SLC26A11: variants seen among roughly 807,000 people sequenced by gnomAD.
SLC26A11 encodes sodium-independent sulfate anion transporter.
SLC26A11 carries 58 observed loss-of-function variants against 62.2 expected under a neutral mutation model. That is an observed-to-expected ratio of 0.93 (90% CI 0.76 to 1.16). The LOEUF is 1.16. SLC26A11 is among the 50% of genes most tolerant of loss of function. The pLI, the probability that SLC26A11 is intolerant of heterozygous loss-of-function variation, is 0.00. For synonymous variants in SLC26A11, 411 were observed against 368.9 expected (o/e 1.11, Z -1.31); for missense variants, 790 against 794.3 (o/e 0.99, Z 0.06).
At chr17:80,243,230 T>G (rs1159734158) in intron 10 of SLC26A11, among the ~76,000 whole-genome samples, 1 of 152,178 alleles carries the variant, frequency 6.6e-6, no homozygotes, top group Non-Finnish European at 1.5e-5. Flanking sequence ...CCCGGGCTTC[T>G]CTCTGAGCCA....
At chr17:80,250,933 G>A (rs1395329954) in intron 16 of SLC26A11, among the ~76,000 whole-genome samples, 2 of 152,032 alleles carry the variant, frequency 1.3e-5, no homozygotes, top group East Asian at 1.9e-4. Flanking sequence ...TTGAGGCCAG[G>A]AGTTTGAGAC....
rs376958154 is a variant in SLC26A11, at chr17:80,232,890, G to A, written c.737-4038G>A. On this transcript the variant is annotated intron_variant, in intron 7 of 17. Transcript: ENST00000361193. ...TTTGTTTCTAAGTGACTGCTTTAAG[G>A]TTTGTGGTAAACATCTTTATCTTGC... is the stretch of plus-strand genomic sequence containing the variant. Among the ~76,000 whole-genome samples, 16 of 152,150 alleles carry A rather than the reference G, an allele frequency of 1.1e-4. No individual in the cohort carries two copies. In the East Asian group the frequency reaches 1.7e-3, roughly 17 times the overall value.
rs897407526 is a variant in SLC26A11 at position 80,222,979 on chromosome 17, G to A, written c.427+132G>A. The A allele has an allele frequency of 6.5e-6, 6 of 922,438 alleles. No homozygotes were observed. In the East Asian group the frequency reaches 7.9e-5, roughly 12 times the overall value. The allele number at this position is 922,438 out of a possible 1,614,324, so 57.1% of individuals were successfully genotyped here. On this transcript the variant is annotated intron_variant, in intron 4 of 17. Coordinates refer to ENST00000361193, the MANE Select transcript of SLC26A11 (RefSeq NM_001166347.2). This position sits in a 1 kb window ranked among gnomAD's most constrained non-coding sequence, Gnocchi z 4.7. ...TATGTATGTGTGTGTGTGTAGGTGG[G>A]TGGGTGGTGGAGGGGGTGGGGCACT... is the stretch of plus-strand genomic sequence containing the variant.
rs894937653 is a variant in SLC26A11 at position 80,251,338 on chromosome 17, C to T, written c.1666C>T (p.Leu556Phe). 3 of 1,614,086 alleles carry T rather than the reference C, an allele frequency of 1.9e-6. No individual in the cohort carries two copies. Among genetic ancestry groups the T allele is most frequent in the South Asian group, 1.1e-5 (1 of 91,076 alleles). ...LAFVGLQVPV[L>F]RVLLSADLKG... ...TCTGTCTGTCTCTCAGGTCCCCGTT[C>T]TCCGTGTCCTGCTGTCCGCTGACCT... The change falls in exon 17 of 18, where the codon CTC (leucine) becomes TTC (phenylalanine). Residue 556 changes from leucine (L) to phenylalanine (F), a missense_variant. Coordinates refer to ENST00000361193, the MANE Select transcript of SLC26A11 (RefSeq NM_001166347.2).
intron 7 of SLC26A11, among the ~76,000 whole-genome samples, chr17:80,234,391 A>G (rs1244603651): frequency 6.6e-6 from 1 of 151,888 alleles, no homozygotes; most frequent in Non-Finnish European, 1.5e-5. Context: ...TCTGTATGTA[A>G]CCTTTTTATC....
At chr17:80,224,448 T>TGA (rs1312548045) in intron 5 of SLC26A11, among the ~76,000 whole-genome samples, 2 of 142,808 alleles carry the variant, frequency 1.4e-5, no homozygotes, top group Non-Finnish European at 3.1e-5. Flanking sequence ...TGTGAGAGTG[T>TGA]GAGTGTGAGA....
At position 80,234,297 on chromosome 17, in the gene SLC26A11, G is replaced by A. The variant is rs186356291; in HGVS notation, c.737-2631G>A. Among the ~76,000 whole-genome samples the A allele has an allele frequency of 1.5e-3, 232 of 152,346 alleles. 2 individuals are homozygous for A. Among genetic ancestry groups the A allele is most frequent in the Admixed American group, 5.0e-3 (76 of 15,302 alleles). On this transcript the variant is annotated intron_variant, in intron 7 of 17. Coordinates refer to ENST00000361193, the MANE Select transcript of SLC26A11 (RefSeq NM_001166347.2). ...TAGGATTACAGGCGTGAGCCACTTT[G>A]CCTGGCCTCAGGACTTTAAAGATGC...
intron 5 of SLC26A11, among the ~76,000 whole-genome samples, chr17:80,225,215 A>G (rs1370093288): frequency 6.6e-6 from 1 of 152,022 alleles, no homozygotes; most frequent in African/African-American, 2.4e-5. Flanking sequence ...AAACTAAACT[A>G]AAACACAGGA....
intron 6 of SLC26A11, 88 bp downstream of exon 6, chr17:80,226,004 T>C (rs1279655268): frequency 2.5e-6 from 3 of 1,223,996 alleles, no homozygotes; most frequent in Non-Finnish European, 2.4e-6. Context: ...TCCCCACCCC[T>C]GGTGACTGCT....
chr17:80,228,048 A>C lies in SLC26A11; in HGVS notation c.736+88A>C. 7.4e-5 allele frequency: 92 copies of C among 1,240,260 alleles called. No individual in the cohort carries two copies. Among genetic ancestry groups the C allele is most frequent in the Non-Finnish European group, 1.0e-4 (89 of 887,374 alleles). The allele number at this position is 1,240,260 out of a possible 1,614,324, so 76.8% of individuals were successfully genotyped here. ...TCCTAGTCCCACCCTAGGGATTCTCACGTCATTGGTCTGGGTGTCACTTGA... is the reference window on the plus strand; with the variant it reads ...TCCTAGTCCCACCCTAGGGATTCTCCCGTCATTGGTCTGGGTGTCACTTGA... On this transcript the variant is annotated intron_variant, in intron 7 of 17. Coordinates refer to ENST00000361193, the MANE Select transcript of SLC26A11 (RefSeq NM_001166347.2). The surrounding 1 kb of genome is among the most constrained non-coding windows in gnomAD (Gnocchi z 4.1).
In SLC26A11 at chr17:80,228,559, C is replaced by T. The variant is rs12601526; in HGVS notation, c.736+599C>T. ...GAAGCAGTTTTGCCCCCTGGTGACA[C>T]GTGGCAATGTTGGGAAACATTTTTG... On this transcript the variant is annotated intron_variant, in intron 7 of 17. Transcript: ENST00000361193. This position sits in a 1 kb window ranked among gnomAD's most constrained non-coding sequence, Gnocchi z 4.1. 0.5 allele frequency among the ~76,000 whole-genome samples: 76,547 copies of T among 152,126 alleles called. 20,246 individuals are homozygous for T. Among genetic ancestry groups the T allele is most frequent in the East Asian group, 0.97 (5,029 of 5,180 alleles).
chr17:80,248,100 G>C, intron 13 of SLC26A11, 30 bp from the exon 14 acceptor site: 3 of 1,580,272 alleles, frequency 1.9e-6, no homozygotes, highest in Non-Finnish European at 2.6e-6. Context: ...GGCAGCTGCC[G>C]GGCATTCCTC....
Position 80,246,330 on chromosome 17 carries a change from TG to T in SLC26A11, c.1153+127del. 2 of 1,432,842 alleles carry T rather than the reference TG, an allele frequency of 1.4e-6. No homozygotes were observed. 88.8% of individuals were successfully genotyped at this position (1,432,842 alleles called of 1,614,324 possible). The stretch of plus-strand genomic sequence containing the variant: ...TGCGCCCCGGGACTGCACAGGGACT[TG>T]GGGGGCCACACAGGAGTAGGGGGAC... On this transcript the variant is annotated intron_variant, in intron 12 of 17. Transcript: ENST00000361193. This position sits in a 1 kb window ranked among gnomAD's most constrained non-coding sequence, Gnocchi z 4.4.
rs1040340305 is a variant in SLC26A11, at chr17:80,252,147, C to G, written c.1730-478C>G. On this transcript the variant is annotated intron_variant, in intron 17 of 17. Coordinates refer to ENST00000361193, the MANE Select transcript of SLC26A11 (RefSeq NM_001166347.2). The surrounding 1 kb of genome is among the most constrained non-coding windows in gnomAD (Gnocchi z 5.2). ...TCAACAAGAGGATGGGCCAGAGATG[C>G]AGAGCATCCACCCCAGGCCACACAG... Among the ~76,000 whole-genome samples, 7 of 152,140 alleles carry G rather than the reference C, an allele frequency of 4.6e-5. No individual in the cohort carries two copies. Among genetic ancestry groups the G allele is most frequent in the African/African-American group, 1.7e-4 (7 of 41,422 alleles).
chr17:80,249,291 G>T lies in SLC26A11; in HGVS notation c.1656+4G>T. The T allele has an allele frequency of 6.2e-7, 1 of 1,609,536 alleles. No homozygotes were observed. On this transcript the variant is annotated splice_donor_region_variant and intron_variant, in intron 16 of 17. Transcript: ENST00000361193. ...CCTGGCCTTTGTGGGCCTGCAGGTG[G>T]GTGTGCACTGGGCTGCCTTAGGGGT...
At chr17:80,244,793 T>C (rs1186177278) in intron 10 of SLC26A11, among the ~76,000 whole-genome samples, 2 of 152,100 alleles carry the variant, frequency 1.3e-5, no homozygotes, top group Non-Finnish European at 2.9e-5. Context: ...CTGGCCAACA[T>C]GGCAAAACTC....
chr17:80,244,463 C>G (rs1026843913), intron 10 of SLC26A11, among the ~76,000 whole-genome samples: 2 of 152,184 alleles, frequency 1.3e-5, no homozygotes, highest in African/African-American at 4.8e-5. Flanking sequence ...CTCACCCCCT[C>G]CTGGGTGGTG....
chr17:80,252,305 G>A lies in SLC26A11; in HGVS notation c.1730-320G>A, dbSNP rs73432173. ...ACTGACTTCCTTGGCTCAATGTGAC[G>A]TCAGGGAGATTCACCCATGTTGTTG... On this transcript the variant is annotated intron_variant, in intron 17 of 17. Transcript: ENST00000361193. The surrounding 1 kb of genome is among the most constrained non-coding windows in gnomAD (Gnocchi z 5.2). 0.065 allele frequency among the ~76,000 whole-genome samples: 9,928 copies of A among 152,210 alleles called. 795 individuals are homozygous for A. The highest frequency in any genetic ancestry group is 0.19 in the African/African-American group (7,973 of 41,506).
At chr17:80,235,989 C>T (rs888460979) in intron 7 of SLC26A11, among the ~76,000 whole-genome samples, 5 of 152,154 alleles carry the variant, frequency 3.3e-5, no homozygotes, top group Admixed American at 6.5e-5. Flanking sequence ...TGAGTAGTTG[C>T]GCCAGAGACT....
Sources: gnomAD v4.1 joint callset for allele counts (sites outside exome capture counted in the v4.1 genomes callset) on GRCh38, gnomAD v4.1.1 for gene constraint, Gnocchi (gnomAD v3.1) non-coding constraint, MANE v1.5 for transcripts, NCBI Gene and HGNC (gene_info 2026-07-23, HGNC 2026-07-21) for gene names.